Variants in GPA33 observed in about 807,000 individuals in gnomAD.
GPA33 encodes the protein cell surface A33 antigen.
In GPA33, 27 loss-of-function variants were observed where a neutral mutation model predicts 35.6. That is an observed-to-expected ratio of 0.76 (90% CI 0.56 to 1.04). The LOEUF (loss-of-function observed/expected upper bound fraction) is 1.04, where lower values mean the gene tolerates loss of function less well. Ranked by LOEUF, GPA33 falls within the 50% of genes least tolerant of loss-of-function variation. The probability of loss-of-function intolerance (pLI) is 0.00; values close to 1 mark genes in which losing one functional copy is unlikely to be tolerated. For synonymous variants in GPA33, 176 were observed against 164.0 expected (o/e 1.07, Z -0.56); for missense variants, 428 against 411.9 (o/e 1.04, Z -0.34).
Position 167,055,852 on chromosome 1 carries a change from G to A in GPA33, c.572-3C>T, listed in dbSNP as rs1363152769. The A allele has an allele frequency of 6.2e-7, 1 of 1,613,786 alleles. No individual in the cohort carries two copies. The highest frequency in any genetic ancestry group is 8.5e-7 in the Non-Finnish European group (1 of 1,179,850). On this transcript the variant is annotated splice_polypyrimidine_tract_variant and splice_region_variant and intron_variant, in intron 4 of 6. Transcript: ENST00000367868. The stretch of plus-strand genomic sequence containing the variant: ...CAGGGAGACAGGCTGACCTGAGGCT[G>A]CAGGGGAAGAAGAGTCAGGGTGAAG...
At chr1:167,061,704 G>C (rs1409284846) in intron 4 of GPA33, among the ~76,000 whole-genome samples, 1 of 143,316 alleles carries the variant, frequency 7.0e-6, no homozygotes, top group Non-Finnish European at 1.5e-5. Context: ...CCAGGTTCAC[G>C]CCATTCTCCT....
chr1:167,054,564 A>C, intron 6 of GPA33, 98 bp from the exon 7 acceptor site: 1 of 1,448,696 alleles, frequency 6.9e-7, no homozygotes, highest in Non-Finnish European at 9.5e-7. Flanking sequence ...CAGCCTCCAG[A>C]CCTCCTCCCC....
chr1:167,056,694 G>A (rs56317912), intron 4 of GPA33, among the ~76,000 whole-genome samples: 24 of 78,222 alleles, frequency 3.1e-4, no homozygotes, highest in Admixed American at 5.5e-4. Context: ...TGTGTGGTGG[G>A]TGTGTGGTGT....
chr1:167,067,401 C>A (rs1370547836), intron 3 of GPA33, among the ~76,000 whole-genome samples: 1 of 152,096 alleles, frequency 6.6e-6, no homozygotes, highest in Non-Finnish European at 1.5e-5. Flanking sequence ...CGCACCCGAC[C>A]CTTCTTCTTT....
At chr1:167,069,857 T>C (rs943872067) in intron 2 of GPA33, among the ~76,000 whole-genome samples, 10 of 152,204 alleles carry the variant, frequency 6.6e-5, no homozygotes, top group Admixed American at 3.3e-4. Flanking sequence ...TTATGTGACA[T>C]GTTAAGTTTC....
At chr1:167,075,445 A>C (rs887980466) in intron 1 of GPA33, among the ~76,000 whole-genome samples, 1 of 152,230 alleles carries the variant, frequency 6.6e-6, no homozygotes, top group African/African-American at 2.4e-5. Flanking sequence ...AGAGGAAAAC[A>C]GGAGTCAGGA....
chr1:167,077,461 T>A (rs1666846058), intron 1 of GPA33, among the ~76,000 whole-genome samples: 1 of 152,182 alleles, frequency 6.6e-6, no homozygotes, highest in Non-Finnish European at 1.5e-5. Context: ...CGGTGACCAC[T>A]CTTGGGCCTC....
intron 4 of GPA33, among the ~76,000 whole-genome samples, chr1:167,057,962 G>A (rs965262090): frequency 3.3e-5 from 5 of 152,218 alleles, no homozygotes; most frequent in Admixed American, 3.3e-4. Flanking sequence ...ACCTTGGGAG[G>A]CCAAGGCGGG....
chr1:167,076,765 T>C (rs1307982037), intron 1 of GPA33, among the ~76,000 whole-genome samples: 2 of 152,226 alleles, frequency 1.3e-5, no homozygotes, highest in Non-Finnish European at 2.9e-5. Flanking sequence ...CTCATGGTGA[T>C]GCCAGTGCCA....
chr1:167,064,505 G>C (rs1389641662), intron 3 of GPA33, among the ~76,000 whole-genome samples: 1 of 152,106 alleles, frequency 6.6e-6, no homozygotes, highest in Non-Finnish European at 1.5e-5. Context: ...ACTTCCCCTC[G>C]ACCTCAGTGT....
intron 4 of GPA33, among the ~76,000 whole-genome samples, chr1:167,056,682 G>GAT (rs1195216994): frequency 1.6e-4 from 13 of 81,944 alleles, no homozygotes; most frequent in Admixed American, 3.7e-4. Context: ...TGATGTGTCT[G>GAT]GTGTGTGGTG....
chr1:167,084,168 A>T (rs994041669), intron 1 of GPA33, among the ~76,000 whole-genome samples: 2 of 152,194 alleles, frequency 1.3e-5, no homozygotes, highest in African/African-American at 4.8e-5. Flanking sequence ...AGGTGGTGAC[A>T]TGGTCATGAT....
intron 1 of GPA33, among the ~76,000 whole-genome samples, chr1:167,084,082 G>A (rs1667006626): frequency 1.3e-5 from 2 of 152,160 alleles, no homozygotes; most frequent in South Asian, 4.2e-4. Flanking sequence ...GGCTGGGCCT[G>A]GCGCTTATCG....
At chr1:167,081,754 G>A (rs1666954525) in intron 1 of GPA33, among the ~76,000 whole-genome samples, 1 of 152,168 alleles carries the variant, frequency 6.6e-6, no homozygotes, top group Non-Finnish European at 1.5e-5. Flanking sequence ...GTTGATATGG[G>A]CTGTGCATCA....
intron 4 of GPA33, among the ~76,000 whole-genome samples, chr1:167,057,695 C>T (rs1453531112): frequency 1.3e-5 from 2 of 152,184 alleles, no homozygotes; most frequent in African/African-American, 4.8e-5. Context: ...TTTCCTTCTC[C>T]GGATGTGCTG....
chr1:167,071,073 A>T (rs1666708164), intron 2 of GPA33, among the ~76,000 whole-genome samples: 1 of 152,162 alleles, frequency 6.6e-6, no homozygotes. Context: ...TTTGGGAGCC[A>T]ATGACATGTC....
intron 1 of GPA33, among the ~76,000 whole-genome samples, chr1:167,088,484 G>A (rs1462024813): frequency 1.3e-5 from 2 of 152,186 alleles, no homozygotes; most frequent in Admixed American, 6.5e-5. Flanking sequence ...AAGTTGGTGG[G>A]CACGTGATTC....
chr1:167,081,375 A>G (rs563577796), intron 1 of GPA33, among the ~76,000 whole-genome samples: 1 of 152,120 alleles, frequency 6.6e-6, no homozygotes, highest in Non-Finnish European at 1.5e-5. Flanking sequence ...GGTGTTGAGA[A>G]AGTGCTGGTC....
chr1:167,066,634 G>A (rs1490371441), intron 3 of GPA33, among the ~76,000 whole-genome samples: 2 of 152,346 alleles, frequency 1.3e-5, no homozygotes, highest in East Asian at 3.9e-4. Flanking sequence ...CACATGTGGG[G>A]CCCGTGAGAC....
Sources: gnomAD v4.1 joint callset for allele counts (sites outside exome capture counted in the v4.1 genomes callset) on GRCh38, gnomAD v4.1.1 for gene constraint, MANE v1.5 for transcripts, NCBI Gene and HGNC (gene_info 2026-07-23, HGNC 2026-07-21) for gene names.